The following ZBTB40 variants were observed in gnomAD, a reference collection of about 807,000 sequenced individuals.
The protein encoded by ZBTB40 is zinc finger and BTB domain containing 40.
ZBTB40 carries 60 observed loss-of-function variants against 117.5 expected under a neutral mutation model. That is an observed-to-expected ratio of 0.51 (90% CI 0.41 to 0.63). The LOEUF (loss-of-function observed/expected upper bound fraction) is 0.63, where lower values mean the gene tolerates loss of function less well. Ranked by LOEUF, ZBTB40 falls within the 30% of genes least tolerant of loss-of-function variation. ZBTB40 has a pLI of 0.00. For missense variants in ZBTB40, 1,287 were observed against 1,498.5 expected (o/e 0.86, Z 2.33); for synonymous variants, 525 against 577.1 (o/e 0.91, Z 1.29).
upstream of ZBTB40, among the ~76,000 whole-genome samples, chr1:22,448,640 T>C (rs866761811): frequency 5.9e-5 from 9 of 152,262 alleles, no homozygotes; most frequent in African/African-American, 1.7e-4. Context: ...TAAGTCTGTT[T>C]CCTCCTGTAT....
chr1:22,461,952 A>C (rs1366097854), intron 1 of ZBTB40, among the ~76,000 whole-genome samples: 1 of 152,150 alleles, frequency 6.6e-6, no homozygotes, highest in African/African-American at 2.4e-5. Flanking sequence ...CTGGGGCCAC[A>C]TGGGCTCCCA....
chr1:22,508,467 G>A (rs1639133840), intron 7 of ZBTB40, 63 bp from the exon 8 acceptor site: 48 of 1,581,430 alleles, frequency 3.0e-5, no homozygotes, highest in Non-Finnish European at 4.1e-5. Flanking sequence ...TAGACTTGCA[G>A]CTCTGCAGCT....
chr1:22,502,559 C>T, intron 5 of ZBTB40, 118 bp downstream of exon 5: 3 of 1,372,874 alleles, frequency 2.2e-6, no homozygotes, highest in South Asian at 2.4e-5. Context: ...GCATAGTAAG[C>T]ATCTCGAAGT....
At chr1:22,465,536 A>T (rs1455703566) in intron 1 of ZBTB40, among the ~76,000 whole-genome samples, 2 of 152,254 alleles carry the variant, frequency 1.3e-5, no homozygotes, top group East Asian at 3.9e-4. Context: ...GGCCTGAAGG[A>T]GGGACCTTAC....
intron 1 of ZBTB40, among the ~76,000 whole-genome samples, chr1:22,457,260 C>G (rs904212601): frequency 6.6e-6 from 1 of 152,142 alleles, no homozygotes; most frequent in East Asian, 1.9e-4. Flanking sequence ...GAAAAAGCTG[C>G]TATATTGAGG....
At chr1:22,446,660 A>G (rs1460445167) in intron 1 of ZBTB40, among the ~76,000 whole-genome samples, 2 of 152,082 alleles carry the variant, frequency 1.3e-5, no homozygotes, top group Non-Finnish European at 2.9e-5. Flanking sequence ...ACTCCACCGA[A>G]CTAGAATTCT....
intron 1 of ZBTB40, among the ~76,000 whole-genome samples, chr1:22,478,441 G>T (rs1339173301): frequency 6.6e-6 from 1 of 152,032 alleles, no homozygotes; most frequent in Non-Finnish European, 1.5e-5. Flanking sequence ...TAGAGACGGG[G>T]TTTCACCGTG....
At chr1:22,442,487 A>T (rs1245598512) in intron 1 of ZBTB40, among the ~76,000 whole-genome samples, 2 of 152,160 alleles carry the variant, frequency 1.3e-5, no homozygotes, top group Admixed American at 1.3e-4. Context: ...TGATGGGTTT[A>T]TATGGGGGAG....
At chr1:22,437,847 C>T (rs779830388) in intron 1 of ZBTB40, among the ~76,000 whole-genome samples, 1 of 131,402 alleles carries the variant, frequency 7.6e-6, no homozygotes, top group Non-Finnish European at 1.6e-5. Context: ...AAACTCTGGT[C>T]GGGTGTGGTG....
At chr1:22,456,003 T>A (rs1362053012) in intron 1 of ZBTB40, among the ~76,000 whole-genome samples, 1 of 152,168 alleles carries the variant, frequency 6.6e-6, no homozygotes, top group Non-Finnish European at 1.5e-5. Flanking sequence ...CAGTGACCCC[T>A]CAGCCTCTTT....
intron 12 of ZBTB40, among the ~76,000 whole-genome samples, chr1:22,515,620 C>T (rs559475736): frequency 6.6e-6 from 1 of 152,296 alleles, no homozygotes; most frequent in African/African-American, 2.4e-5. Context: ...CCTTTTCTGA[C>T]TCTTCTTCCT....
intron 1 of ZBTB40, among the ~76,000 whole-genome samples, chr1:22,452,251 GC>G (rs908586117): frequency 1.6e-4 from 25 of 152,266 alleles, no homozygotes; most frequent in African/African-American, 5.8e-4. Flanking sequence ...AGGGCGCCAG[GC>G]CCGACCTGAC....
chr1:22,509,073 T>A, intron 8 of ZBTB40, 27 bp from the exon 9 acceptor site: 2 of 1,614,130 alleles, frequency 1.2e-6, no homozygotes. Context: ...GTTTGCCTAA[T>A]GAGTTTTTGA....
At chr1:22,483,906 A>T (rs1344350434) in intron 1 of ZBTB40, among the ~76,000 whole-genome samples, 1 of 152,194 alleles carries the variant, frequency 6.6e-6, no homozygotes, top group African/African-American at 2.4e-5. Context: ...TCTCTGATGT[A>T]TTTTAAGTTA....
At chr1:22,435,352 G>C (rs1413655331) in intron 1 of ZBTB40, among the ~76,000 whole-genome samples, 1 of 152,046 alleles carries the variant, frequency 6.6e-6, no homozygotes, top group African/African-American at 2.4e-5. Flanking sequence ...ATCTTGCCTT[G>C]CTATTGTAAA....
chr1:22,489,995 C>T lies in ZBTB40; in HGVS notation c.47C>T (p.Thr16Ile), dbSNP rs972017702. 6.2e-7 allele frequency: 1 copy of T among 1,613,644 alleles called. No individual in the cohort carries two copies. Among genetic ancestry groups the T allele is most frequent in the African/African-American group, 1.3e-5 (1 of 74,924 alleles). ...YSRQLLQQLY[T>I]LCKEQQFCDC... ...CGGCAGCTGCTGCAGCAGCTGTACA[C>T]TCTGTGCAAGGAGCAGCAGTTCTGT... The change falls in exon 2 of 18, where the codon ACT becomes ATT. Residue 16 changes from threonine (T) to isoleucine (I), a missense_variant. Transcript: ENST00000375647.
intron 1 of ZBTB40, among the ~76,000 whole-genome samples, chr1:22,442,163 A>G (rs1223672919): frequency 1.3e-5 from 2 of 152,188 alleles, no homozygotes; most frequent in African/African-American, 2.4e-5. Context: ...TTTTAAGTCT[A>G]TTGAGACTTA....
chr1:22,520,367 T>G, intron 14 of ZBTB40, 92 bp downstream of exon 14: 5 of 990,138 alleles, frequency 5.0e-6, no homozygotes, highest in Non-Finnish European at 7.8e-6. Flanking sequence ...GGCTTGCAGA[T>G]CATATCTTGT....
chr1:22,460,402 T>C (rs1321053643), intron 1 of ZBTB40, among the ~76,000 whole-genome samples: 1 of 152,144 alleles, frequency 6.6e-6, no homozygotes, highest in Non-Finnish European at 1.5e-5. Context: ...TATTAAAATA[T>C]AATAATTCAT....
Sources: allele counts gnomAD v4.1 joint callset (sites outside exome capture counted in the v4.1 genomes callset), GRCh38; gene constraint gnomAD v4.1.1; transcripts MANE v1.5; gene names NCBI Gene and HGNC (gene_info 2026-07-23, HGNC 2026-07-21).